RAB7A: variants seen among roughly 807,000 people sequenced by gnomAD.
RAB7A encodes the protein RAB7A, member RAS oncogene family.
RAB7A carries 2 observed loss-of-function variants against 24.5 expected under a neutral mutation model. That is an observed-to-expected ratio of 0.08 (90% CI 0.03 to 0.26). The LOEUF (loss-of-function observed/expected upper bound fraction) is 0.26. Ranked by LOEUF, RAB7A falls within the 10% of genes least tolerant of loss-of-function variation. RAB7A has a pLI of 1.00. For missense variants in RAB7A, 118 were observed against 255.7 expected, an observed-to-expected ratio of 0.46 and a Z score of 3.67; for synonymous variants, 100 against 95.9, an observed-to-expected ratio of 1.04 and a Z score of -0.25.
At chr3:128,754,838 G>A (rs1195971642) in intron 1 of RAB7A, among the ~76,000 whole-genome samples, 2 of 151,988 alleles carry the variant, frequency 1.3e-5, no homozygotes, top group East Asian at 1.9e-4. Flanking sequence ...GGTTTAATAC[G>A]GCAAAAAGAC....
chr3:128,764,993 C>T (rs909620267), intron 1 of RAB7A: 34 of 1,593,820 alleles, frequency 2.1e-5, no homozygotes, highest in African/African-American at 2.7e-5. Context: ...TTCTGGCGCA[C>T]CTGCGAGGTG....
intron 1 of RAB7A, among the ~76,000 whole-genome samples, chr3:128,758,937 G>C (rs1559784984): frequency 6.6e-6 from 1 of 152,062 alleles, no homozygotes; most frequent in Non-Finnish European, 1.5e-5. Context: ...GAGTTTTAAG[G>C]GGACTTACTG....
At chr3:128,763,381 AT>A (rs914484361) in intron 1 of RAB7A, among the ~76,000 whole-genome samples, 117 of 149,422 alleles carry the variant, frequency 7.8e-4, no homozygotes, top group Non-Finnish European at 1.5e-3. Flanking sequence ...CGCCTGGCTA[AT>A]TTTTTTTTGT....
chr3:128,768,969 CTTTTTTT>C (rs35457218), intron 1 of RAB7A, among the ~76,000 whole-genome samples: 339 of 72,608 alleles, frequency 4.7e-3, no homozygotes, highest in African/African-American at 6.8e-3. Context: ...TCTTTCTTTC[CTTTTTTT>C]TTTTTTTTTT....
intron 1 of RAB7A, among the ~76,000 whole-genome samples, chr3:128,780,389 C>A (rs944511828): frequency 6.6e-6 from 1 of 152,018 alleles, no homozygotes; most frequent in Non-Finnish European, 1.5e-5. Context: ...GTGTAGATGC[C>A]CTTGTCCAGG....
rs778176566 is a variant in RAB7A, at chr3:128,806,443, C to T, written c.252C>T (p.Cys84=). 11 of 1,613,864 alleles carry T rather than the reference C, an allele frequency of 6.8e-6. No homozygotes were observed. Among genetic ancestry groups the T allele is most frequent in the South Asian group, 2.2e-5 (2 of 91,040 alleles). Residue 84 remains cysteine (C), a synonymous_variant, in exon 4 of 6, where the codon TGC becomes TGT. Transcript: ENST00000265062. ...GVAFYRGADC[C]VLVFDVTAPN... ...CCTTCTACAGAGGTGCAGACTGCTG[C>T]GTTCTGGTATTTGATGTGACTGCCC... is the stretch of plus-strand genomic sequence containing the variant.
At chr3:128,812,147 C>T (rs1348740804) in intron 5 of RAB7A, among the ~76,000 whole-genome samples, 1 of 152,126 alleles carries the variant, frequency 6.6e-6, no homozygotes, top group African/African-American at 2.4e-5. Flanking sequence ...TGAGTTAAAA[C>T]CCAGCAAAGC....
At chr3:128,765,154 C>T (rs1176283094) in intron 1 of RAB7A, 1 of 698,484 alleles carries the variant, frequency 1.4e-6, no homozygotes, top group Non-Finnish European at 2.6e-6. Context: ...GGGGGACGAG[C>T]GCTGGGTTCC....
intron 1 of RAB7A, among the ~76,000 whole-genome samples, chr3:128,768,969 C>CTTTTTTT (rs35457218): frequency 1.4e-5 from 1 of 72,606 alleles, no homozygotes; most frequent in African/African-American, 6.5e-5. Context: ...TCTTTCTTTC[C>CTTTTTTT]TTTTTTTTTT....
chr3:128,736,610 G>A (rs2070491813), intron 1 of RAB7A, among the ~76,000 whole-genome samples: 1 of 152,052 alleles, frequency 6.6e-6, no homozygotes, highest in Non-Finnish European at 1.5e-5. Flanking sequence ...TTAAATTCCA[G>A]CACGTACAGT....
intron 1 of RAB7A, among the ~76,000 whole-genome samples, chr3:128,734,711 A>C (rs541737647): frequency 2.0e-4 from 30 of 152,282 alleles, no homozygotes; most frequent in African/African-American, 7.0e-4. Flanking sequence ...TCTATCGTAC[A>C]TATGCTAGAA....
chr3:128,759,305 G>C (rs996143591), intron 1 of RAB7A, among the ~76,000 whole-genome samples: 1 of 152,206 alleles, frequency 6.6e-6, no homozygotes, highest in Non-Finnish European at 1.5e-5. Context: ...AGCCACAGGA[G>C]CTTAATGTGG....
intron 1 of RAB7A, among the ~76,000 whole-genome samples, chr3:128,787,333 G>A (rs1262753023): frequency 2.0e-5 from 3 of 152,138 alleles, no homozygotes; most frequent in Admixed American, 6.6e-5. Context: ...GTTTTGGATC[G>A]GGCACAACAT....
At chr3:128,800,714 A>G (rs116422357) in intron 3 of RAB7A, among the ~76,000 whole-genome samples, 85 of 152,328 alleles carry the variant, frequency 5.6e-4, no homozygotes, top group Middle Eastern at 3.4e-3. Flanking sequence ...ATGTTGGGAA[A>G]GAGACGGGCA....
At chr3:128,792,860 T>TATTC (rs1227226227) in intron 1 of RAB7A, among the ~76,000 whole-genome samples, 3,234 of 120,456 alleles carry the variant, frequency 0.027, 57 homozygotes, top group Admixed American at 0.036. Context: ...TTTATTTATT[T>TATTC]ATTCATTTGA....
At chr3:128,753,685 G>A (rs2070707189) in intron 1 of RAB7A, among the ~76,000 whole-genome samples, 1 of 152,168 alleles carries the variant, frequency 6.6e-6, no homozygotes, top group Admixed American at 6.5e-5. Context: ...CCTTGTTTCT[G>A]TGTCCTCACT....
chr3:128,743,710 T>C (rs2070579637), intron 1 of RAB7A, among the ~76,000 whole-genome samples: 1 of 151,958 alleles, frequency 6.6e-6, no homozygotes. Flanking sequence ...GCCAGCACTT[T>C]GGGAGGCCAA....
intron 5 of RAB7A, among the ~76,000 whole-genome samples, chr3:128,812,048 G>A (rs895315366): frequency 6.6e-6 from 1 of 152,104 alleles, no homozygotes; most frequent in East Asian, 1.9e-4. Context: ...TTTTTTGGGG[G>A]GTGATGAGAG....
At chr3:128,811,175 G>A (rs955391733) in intron 5 of RAB7A, among the ~76,000 whole-genome samples, 5 of 151,560 alleles carry the variant, frequency 3.3e-5, no homozygotes, top group Non-Finnish European at 7.4e-5. Flanking sequence ...CAGTCAGGCT[G>A]ATACGCAGTG....
Sources: gnomAD v4.1 joint callset for allele counts (sites outside exome capture counted in the v4.1 genomes callset) on GRCh38, gnomAD v4.1.1 for gene constraint, MANE v1.5 for transcripts, NCBI Gene and HGNC (gene_info 2026-07-23, HGNC 2026-07-21) for gene names.